Variants in ZMYM4 observed in about 807,000 individuals in gnomAD.
ZMYM4 encodes zinc finger MYM-type containing 4.
In ZMYM4, 31 loss-of-function variants were observed where a neutral mutation model predicts 183.2. That is an observed-to-expected ratio of 0.17 (90% CI 0.13 to 0.23). ZMYM4 has a LOEUF of 0.23. Ranked by LOEUF, ZMYM4 falls within the 10% of genes least tolerant of loss-of-function variation. The pLI is 1.00. For missense variants in ZMYM4, 1,273 were observed against 1,840.3 expected (o/e 0.69, Z 5.64); for synonymous variants, 592 against 631.2 (o/e 0.94, Z 0.93).
At chr1:35,315,917 C>T (rs1453139925) in intron 1 of ZMYM4, among the ~76,000 whole-genome samples, 1 of 151,900 alleles carries the variant, frequency 6.6e-6, no homozygotes, top group African/African-American at 2.4e-5. Flanking sequence ...CAGAGTGAGT[C>T]CCTGTCTGGG....
At chr1:35,391,095 G>C (rs546805366) in intron 15 of ZMYM4, among the ~76,000 whole-genome samples, 2 of 152,266 alleles carry the variant, frequency 1.3e-5, no homozygotes, top group Non-Finnish European at 2.9e-5. Flanking sequence ...CCAGTGTCAC[G>C]GGCTGTAAAG....
intron 13 of ZMYM4, 37 bp downstream of exon 13, chr1:35,387,641 T>TA: frequency 1.3e-6 from 2 of 1,573,664 alleles, no homozygotes; most frequent in Non-Finnish European, 1.7e-6. Context: ...CTGAGCATGT[T>TA]GGTTGTTTTA....
intron 26 of ZMYM4, among the ~76,000 whole-genome samples, chr1:35,408,454 AG>A (rs1343976656): frequency 1.3e-5 from 2 of 152,260 alleles, no homozygotes; most frequent in African/African-American, 4.8e-5. Flanking sequence ...AGTAACCTGC[AG>A]GGCCAGGTGT....
rs1640333613 is a variant in ZMYM4, at chr1:35,421,808, G to T, written c.*2131G>T. ...TGTGTAAAATTACATTTTTTTTCCA[G>T]GGGAGAAAAAAACATCAAACAAAAA... is the stretch of plus-strand genomic sequence containing the variant. On this transcript the variant is annotated 3_prime_UTR_variant, in exon 30 of 30. Coordinates refer to ENST00000314607, the MANE Select transcript of ZMYM4 (RefSeq NM_005095.3). 6.6e-6 allele frequency: 1 copy of T among 151,630 alleles called. No homozygotes were observed. The highest frequency in any genetic ancestry group is 6.6e-5 in the Admixed American group (1 of 15,214). The allele number at this position is 151,630 out of a possible 1,614,324, so 9.4% of individuals were successfully genotyped here.
chr1:35,389,682 G>C lies in ZMYM4; in HGVS notation c.2437-266G>C, dbSNP rs1413182777. On this transcript the variant is annotated intron_variant, in intron 14 of 29. Transcript: ENST00000314607. This position sits in a 1 kb window ranked among gnomAD's most constrained non-coding sequence, Gnocchi z 4.0. ...AGGCAGGAGAATTGCATGAACCCAG[G>C]AGGTGGAGCTTGCAGTGAGCTGAGA... Among the ~76,000 whole-genome samples, 1 of 151,550 alleles carries C rather than the reference G, an allele frequency of 6.6e-6. No individual in the cohort carries two copies. The highest frequency in any genetic ancestry group is 1.5e-5 in the Non-Finnish European group (1 of 67,924).
At chr1:35,317,333 T>C (rs1642091353) in intron 1 of ZMYM4, among the ~76,000 whole-genome samples, 1 of 152,002 alleles carries the variant, frequency 6.6e-6, no homozygotes, top group South Asian at 2.1e-4. Flanking sequence ...CTCAGGAGGC[T>C]GAGCCAAGAG....
chr1:35,374,140 T>C (rs1213630682), intron 7 of ZMYM4, among the ~76,000 whole-genome samples: 1 of 150,186 alleles, frequency 6.7e-6, no homozygotes, highest in African/African-American at 2.4e-5. Context: ...CAAGTGATTC[T>C]CTTGCCTCAG....
intron 23 of ZMYM4, among the ~76,000 whole-genome samples, chr1:35,400,859 C>G (rs191301683): frequency 1.3e-3 from 196 of 152,296 alleles, no homozygotes; most frequent in African/African-American, 4.0e-3. Context: ...GAATGGAATC[C>G]TATAATATGT....
At chr1:35,416,854 A>G (rs1351462301) in intron 28 of ZMYM4, among the ~76,000 whole-genome samples, 1 of 152,126 alleles carries the variant, frequency 6.6e-6, no homozygotes, top group Non-Finnish European at 1.5e-5. Flanking sequence ...GTGAGCCACC[A>G]TGCCTGGCCT....
intron 2 of ZMYM4, among the ~76,000 whole-genome samples, chr1:35,335,305 C>T (rs1310723922): frequency 2.0e-5 from 3 of 151,530 alleles, no homozygotes; most frequent in Admixed American, 1.3e-4. Flanking sequence ...GACGCGATCT[C>T]GGCTCACTGC....
chr1:35,366,117 T>G (rs949840268), intron 5 of ZMYM4: 1 of 152,184 alleles, frequency 6.6e-6, no homozygotes, highest in African/African-American at 2.4e-5. Context: ...TTTTCTTTAA[T>G]ACACTATATA....
chr1:35,393,111 A>G (rs1644741190), intron 17 of ZMYM4, among the ~76,000 whole-genome samples: 1 of 152,236 alleles, frequency 6.6e-6, no homozygotes, highest in African/African-American at 2.4e-5. Flanking sequence ...AAAGAAGAAA[A>G]TAAATAATGA....
chr1:35,297,259 TCA>T (rs1394029106), intron 1 of ZMYM4, among the ~76,000 whole-genome samples: 2 of 152,148 alleles, frequency 1.3e-5, no homozygotes, highest in Non-Finnish European at 2.9e-5. Context: ...ATTTTGTAAT[TCA>T]GTTTGCACAA....
intron 12 of ZMYM4, 33 bp downstream of exon 12, chr1:35,387,311 A>G: frequency 6.2e-7 from 1 of 1,604,362 alleles, no homozygotes. Context: ...TAAGATTTTG[A>G]GTATACGTGG....
chr1:35,383,922 A>G lies in ZMYM4; in HGVS notation c.1570-1520A>G, dbSNP rs546167799. ...TCTGTCTGTAAATAACTATGATACC[A>G]CCTATGTCACTGGGATGTTTTTAGG... On this transcript the variant is annotated intron_variant, in intron 9 of 29. Coordinates refer to ENST00000314607, the MANE Select transcript of ZMYM4 (RefSeq NM_005095.3). Among the ~76,000 whole-genome samples the G allele has an allele frequency of 2.6e-5, 4 of 152,146 alleles. No individual in the cohort carries two copies. The South Asian group carries it at 8.3e-4, about 32-fold the overall frequency.
chr1:35,272,199 A>G lies in ZMYM4; in HGVS notation c.39+3114A>G, dbSNP rs1639643803. ...TGACTGCCTTGAGGGAGTTGAAACA[A>G]ACTATCCACATAGACTTAGATAGTA... On this transcript the variant is annotated intron_variant, in intron 1 of 29. Coordinates refer to ENST00000314607, the MANE Select transcript of ZMYM4 (RefSeq NM_005095.3). 2.6e-5 allele frequency among the ~76,000 whole-genome samples: 4 copies of G among 152,164 alleles called. No individual in the cohort carries two copies. In the South Asian group the frequency reaches 8.3e-4, roughly 32 times the overall value.
chr1:35,395,380 G>C (rs1192270556), intron 18 of ZMYM4, among the ~76,000 whole-genome samples: 1 of 151,492 alleles, frequency 6.6e-6, no homozygotes, highest in Non-Finnish European at 1.5e-5. Context: ...AGGATCACTT[G>C]AGCCCAGGAG....
intron 18 of ZMYM4, among the ~76,000 whole-genome samples, chr1:35,396,099 CT>C (rs1370221765): frequency 1.3e-5 from 2 of 152,080 alleles, no homozygotes; most frequent in African/African-American, 4.8e-5. Flanking sequence ...TTATTCAGTG[CT>C]GAAATTGTTG....
intron 2 of ZMYM4, among the ~76,000 whole-genome samples, chr1:35,348,989 T>C (rs1177383424): frequency 2.0e-5 from 3 of 152,164 alleles, no homozygotes; most frequent in Non-Finnish European, 2.9e-5. Context: ...GGTTGTGATT[T>C]ATTTATTTTT....
Sources: allele counts gnomAD v4.1 joint callset (sites outside exome capture counted in the v4.1 genomes callset), GRCh38; gene constraint gnomAD v4.1.1; non-coding constraint Gnocchi (gnomAD v3.1); transcripts MANE v1.5; gene names NCBI Gene and HGNC (gene_info 2026-07-23, HGNC 2026-07-21).